Variants in MUC12 observed in about 807,000 individuals in gnomAD.
MUC12 encodes mucin 12, cell surface associated, also known as mucin-12.
In MUC12, 172 loss-of-function variants were observed where a neutral mutation model predicts 230.8. The ratio of observed to expected loss-of-function variants is 0.75; its 90% CI spans 0.66 to 0.85. The LOEUF (loss-of-function observed/expected upper bound fraction) is 0.85. MUC12 is among the 40% of genes least tolerant of loss of function. The probability of loss-of-function intolerance (pLI) is 0.00; values close to 1 mark genes in which losing one functional copy is unlikely to be tolerated. For synonymous variants in MUC12, 1,259 were observed against 2,401.9 expected (o/e 0.52, Z 13.91); for missense variants, 3,506 against 5,920.6 (o/e 0.59, Z 13.38).
chr7:100,992,207 A>G lies in MUC12; in HGVS notation c.1644A>G (p.Glu548=), dbSNP rs1453132610. 4 of 1,537,824 alleles carry G rather than the reference A, an allele frequency of 2.6e-6. No individual in the cohort carries two copies. The highest frequency in any genetic ancestry group is 1.4e-5 in the African/African-American group (1 of 73,034). ...CCACCATGCCAGGCCTCAGTCAGGA[A>G]TCTACAGCTTCCCACAGCAGCCCAG... ...GSTTMPGLSQ[E]STASHSSPGP... is the part of the protein sequence containing the mutation. The change falls in exon 2 of 12, where the codon GAA becomes GAG. Residue 548 remains glutamate (E), a synonymous_variant. Coordinates refer to ENST00000536621, the MANE Select transcript of MUC12 (RefSeq NM_001164462.2).
At chr7:100,985,015 C>A (rs889816047) in intron 1 of MUC12, among the ~76,000 whole-genome samples, 1 of 151,914 alleles carries the variant, frequency 6.6e-6, no homozygotes, top group African/African-American at 2.4e-5. Flanking sequence ...TACAGGCACC[C>A]GCCACCACGC....
At chr7:100,973,164 C>T (rs1169577997) in intron 1 of MUC12, 2 of 618,734 alleles carry the variant, frequency 3.2e-6, no homozygotes, top group African/African-American at 3.7e-5. Flanking sequence ...ATCAGAGAGG[C>T]CATTGAGAGG....
intron 1 of MUC12, chr7:100,973,196 G>A (rs1454893273): frequency 1.7e-6 from 1 of 602,920 alleles, no homozygotes; most frequent in Non-Finnish European, 2.9e-6. Context: ...ATCCTGGGAG[G>A]AGGACATGAA....
At position 100,992,242 on chromosome 7, in the gene MUC12, A is replaced by C. The variant is rs530675685; in HGVS notation, c.1679A>C (p.Asp560Ala). Reference protein sequence around the residue: ...TASHSSPGPTDTTLSPGSTTA... With the variant: ...TASHSSPGPTATTLSPGSTTA... The stretch of plus-strand genomic sequence containing the variant: ...TCCCACAGCAGCCCAGGCCCCACAG[A>C]CACAACATTGTCCCCTGGCAGTACC... Residue 560 changes from aspartate to alanine, a missense_variant, in exon 2 of 12, where the codon GAC (aspartate) becomes GCC (alanine). Physicochemically the swap from Asp to Ala is moderately radical, Grantham distance 126. Coordinates refer to ENST00000536621, the MANE Select transcript of MUC12 (RefSeq NM_001164462.2). 9 of 1,537,168 alleles carry C rather than the reference A, an allele frequency of 5.9e-6. No homozygotes were observed. In the South Asian group the frequency reaches 9.5e-5, roughly 16 times the overall value.
rs779262730 is a variant in MUC12, at chr7:100,992,351, C to T, written c.1788C>T (p.Thr596=). The part of the protein sequence containing the change: ...STETTLLPDN[T]TASGLLEASM... ...AAACAACACTCTTACCTGACAACAC[C>T]ACAGCCTCAGGACTCCTTGAAGCAT... The change falls in exon 2 of 12, where the codon ACC becomes ACT. Residue 596 remains threonine, a synonymous_variant. Coordinates refer to ENST00000536621, the MANE Select transcript of MUC12 (RefSeq NM_001164462.2). 2 of 1,536,642 alleles carry T rather than the reference C, an allele frequency of 1.3e-6. No homozygotes were observed. The highest frequency in any genetic ancestry group is 1.4e-5 in the African/African-American group (1 of 73,140).
intron 3 of MUC12, among the ~76,000 whole-genome samples, chr7:101,006,902 C>T (rs1793762639): frequency 1.3e-5 from 2 of 152,058 alleles, no homozygotes; most frequent in Admixed American, 1.3e-4. Flanking sequence ...GTACACATTC[C>T]CTCAAGCATT....
chr7:101,013,731 C>T (rs866573648), intron 8 of MUC12, among the ~76,000 whole-genome samples, 182 bp from the exon 9 acceptor site: 1 of 152,300 alleles, frequency 6.6e-6, no homozygotes, highest in African/African-American at 2.4e-5. Flanking sequence ...CTCCAGGTCC[C>T]CCCAACTCCC....
At position 100,995,650 on chromosome 7, in the gene MUC12, A is replaced by C. The variant is rs928680101; in HGVS notation, c.5087A>C (p.Lys1696Thr). 1 of 1,537,178 alleles carries C rather than the reference A, an allele frequency of 6.5e-7. No homozygotes were observed. ...STTFQSWPSS[K>T]DTMPAPPTTT... Reference sequence around the variant, plus strand: ...ACCTTCCAGAGCTGGCCAAGCTCAAAGGACACTATGCCTGCACCTCCTACT... The same window carrying C: ...ACCTTCCAGAGCTGGCCAAGCTCAACGGACACTATGCCTGCACCTCCTACT... The change falls in exon 2 of 12, where the codon AAG becomes ACG. Residue 1696 changes from lysine to threonine, a missense_variant. Physicochemically the swap from Lys to Thr is moderately conservative, Grantham distance 78. Transcript: ENST00000536621.
intron 4 of MUC12, 53 bp downstream of exon 4, chr7:101,008,814 A>G: frequency 6.6e-7 from 1 of 1,505,368 alleles, no homozygotes; most frequent in Non-Finnish European, 8.8e-7. Flanking sequence ...CGTGAGAGGA[A>G]ATTGGGGGGT....
rs1439484159 is a variant in MUC12 at position 100,973,202 on chromosome 7, A to G, written c.67+3513A>G. ...CCCAAAGCTATCCTGGGAGGAGGAC[A>G]TGAAGGCCCAGCTGAGAACCCAACT... is the stretch of plus-strand genomic sequence containing the variant. On this transcript the variant is annotated intron_variant, in intron 1 of 11. Coordinates refer to ENST00000536621, the MANE Select transcript of MUC12 (RefSeq NM_001164462.2). 5.0e-6 allele frequency: 3 copies of G among 599,124 alleles called. No individual in the cohort carries two copies. The Admixed American group carries it at 8.9e-5, about 18-fold the overall frequency. The allele number at this position is 599,124 out of a possible 1,614,324, so 37.1% of individuals were successfully genotyped here. A position where few individuals can be genotyped will look rare whatever the true frequency, so the allele number is the denominator to read the frequency against.
At chr7:101,013,817 G>A in intron 8 of MUC12, 96 bp from the exon 9 acceptor site, 2 of 1,353,006 alleles carry the variant, frequency 1.5e-6, no homozygotes, top group Non-Finnish European at 1.9e-6. Context: ...GAGTGAGGGA[G>A]ATCTGGTTTC....
rs1235650459 is a variant in MUC12 at position 101,006,548 on chromosome 7, T to C, written c.15034T>C (p.Ser5012Pro). The change falls in exon 3 of 12, where the codon TCC becomes CCC. Residue 5012 changes from serine (S) to proline (P), a missense_variant. Physicochemically the swap from Ser to Pro is moderately conservative, Grantham distance 74. Transcript: ENST00000536621. ...AGGCTACGTTGGTTACCAGTGCTTG[T>C]CCCCTCTGGAATCCTTCCCTGTAGG... ...PQGYVGYQCL[S>P]PLESFPVETP... The C allele has an allele frequency of 1.3e-6, 2 of 1,537,030 alleles. No individual in the cohort carries two copies. Among genetic ancestry groups the C allele is most frequent in the East Asian group, 4.9e-5 (2 of 40,904 alleles).
intron 1 of MUC12, among the ~76,000 whole-genome samples, chr7:100,979,190 C>A (rs1220593005): frequency 6.6e-6 from 1 of 152,132 alleles, no homozygotes; most frequent in African/African-American, 2.4e-5. Flanking sequence ...AAGGACTCAA[C>A]TTAATTCATT....
Position 101,018,728 on chromosome 7 carries a change from G to C in MUC12, c.*92G>C, listed in dbSNP as rs1212428797. 1.5e-5 allele frequency: 20 copies of C among 1,335,526 alleles called. No homozygotes were observed. Among genetic ancestry groups the C allele is most frequent in the Non-Finnish European group, 2.0e-5 (20 of 995,680 alleles). The allele number at this position is 1,335,526 out of a possible 1,614,324, so 82.7% of individuals were successfully genotyped here. On this transcript the variant is annotated 3_prime_UTR_variant, in exon 12 of 12. Transcript: ENST00000536621. ...AAGCCTCCGGGGCGGGTCAAGAGGAGACCGAAGTCAGGCCCTGAAGCCGGT... is the reference window on the plus strand; with the variant it reads ...AAGCCTCCGGGGCGGGTCAAGAGGACACCGAAGTCAGGCCCTGAAGCCGGT...
chr7:100,985,590 G>A (rs1793175357), intron 1 of MUC12, among the ~76,000 whole-genome samples: 1 of 152,208 alleles, frequency 6.6e-6, no homozygotes, highest in African/African-American at 2.4e-5. Flanking sequence ...AACAAGGACA[G>A]CTTGGAGGTT....
chr7:100,991,033 CAA>C lies in MUC12; in HGVS notation c.471_472del (p.Ser158LeufsTer5). 2 of 1,537,916 alleles carry C rather than the reference CAA, an allele frequency of 1.3e-6. No individual in the cohort carries two copies. Among genetic ancestry groups the C allele is most frequent in the South Asian group, 2.4e-5 (2 of 84,058 alleles). ...AGAACACTCTCACCTGCCCGCACGACAAGCTCAGGCGTCAGTGAAAAATCAAC... is the reference window on the plus strand; with the variant it reads ...AGAACACTCTCACCTGCCCGCACGACGCTCAGGCGTCAGTGAAAAATCAAC... On this transcript the variant is annotated frameshift_variant, in exon 2 of 12. Coordinates refer to ENST00000536621, the MANE Select transcript of MUC12 (RefSeq NM_001164462.2). LOFTEE classifies it high-confidence loss of function.
chr7:100,989,372 G>A (rs894013129), intron 1 of MUC12, among the ~76,000 whole-genome samples: 2 of 152,156 alleles, frequency 1.3e-5, no homozygotes, highest in South Asian at 4.1e-4. Flanking sequence ...ATCCCAAAGT[G>A]CTAGGATTAT....
Position 101,014,046 on chromosome 7 carries a change from T to A in MUC12, c.15772T>A (p.Phe5258Ile). ...LLALIILIIL[F>I]SLSQRKRHRE... ...CGCATTGATCATCCTAATCATCTTA[T>A]TCAGCCTATCCCAGAGAAAACGGCA... The change falls in exon 9 of 12, where the codon TTC becomes ATC. Residue 5258 changes from phenylalanine to isoleucine, a missense_variant. By Grantham distance (21) the Phe-to-Ile change is conservative. Transcript: ENST00000536621. 6 of 1,536,284 alleles carry A rather than the reference T, an allele frequency of 3.9e-6. No homozygotes were observed. The highest frequency in any genetic ancestry group is 4.4e-6 in the Non-Finnish European group (5 of 1,146,420).
rs1793706463 is a variant in MUC12, at chr7:101,004,747, TGCCACAAC to T, written c.14185_14192del (p.Ala4729ThrfsTer13). On this transcript the variant is annotated frameshift_variant, in exon 2 of 12. Transcript: ENST00000536621. LOFTEE classifies it high-confidence loss of function. ...CAATGGAAACAACATTAGCCAGCAC[TGCCACAAC>T]ACCAGGCCTCAGTGCAAAATCTACC... is the stretch of plus-strand genomic sequence containing the variant. 1.8e-5 allele frequency: 28 copies of T among 1,536,808 alleles called. No individual in the cohort carries two copies. The highest frequency in any genetic ancestry group is 2.3e-5 in the Non-Finnish European group (26 of 1,146,358).
Sources: gnomAD v4.1 joint callset for allele counts (sites outside exome capture counted in the v4.1 genomes callset) on GRCh38, gnomAD v4.1.1 for gene constraint, MANE v1.5 for transcripts, NCBI Gene and HGNC (gene_info 2026-07-23, HGNC 2026-07-21) for gene names.